Variants in DARS1 observed in about 807,000 individuals in gnomAD.
DARS1 encodes the protein aspartyl-tRNA synthetase 1.
Under a neutral mutation model 68.8 loss-of-function variants are expected in DARS1, and 51 were observed. That is an observed-to-expected ratio of 0.74 (90% CI 0.59 to 0.94). The LOEUF (loss-of-function observed/expected upper bound fraction) is 0.94, where lower values mean the gene tolerates loss of function less well. Among genes scored for constraint, DARS1 ranks in the 40% least tolerant of loss-of-function variants. The probability of loss-of-function intolerance (pLI) is 0.00; values close to 1 mark genes in which losing one functional copy is unlikely to be tolerated. For synonymous variants in DARS1, 203 were observed against 190.4 expected, an observed-to-expected ratio of 1.07 and a Z score of -0.55; for missense variants, 607 against 597.3, an observed-to-expected ratio of 1.02 and a Z score of -0.17.
intron 5 of DARS1, among the ~76,000 whole-genome samples, chr2:135,941,967 C>G (rs971308345): frequency 1.4e-4 from 21 of 152,284 alleles, no homozygotes; most frequent in African/African-American, 5.1e-4. Flanking sequence ...CCATCTCACA[C>G]CAGTTAGAAT....
intron 4 of DARS1, among the ~76,000 whole-genome samples, chr2:135,945,609 G>A (rs1235065142): frequency 6.6e-6 from 1 of 152,102 alleles, no homozygotes; most frequent in Non-Finnish European, 1.5e-5. Flanking sequence ...CCTGAAACAT[G>A]GAACTATATC....
chr2:135,951,120 T>C (rs1681830311), intron 4 of DARS1, among the ~76,000 whole-genome samples: 1 of 152,202 alleles, frequency 6.6e-6, no homozygotes, highest in East Asian at 1.9e-4. Flanking sequence ...AACAACCTGT[T>C]GGGCTTTTTC....
At chr2:135,929,430 A>C (rs1383773817) in intron 7 of DARS1, among the ~76,000 whole-genome samples, 1 of 152,230 alleles carries the variant, frequency 6.6e-6, no homozygotes, top group Admixed American at 6.5e-5. Context: ...CCTTTAAATC[A>C]CATTTTAAAA....
At chr2:135,950,708 C>T (rs1558791239) in intron 4 of DARS1, among the ~76,000 whole-genome samples, 1 of 152,086 alleles carries the variant, frequency 6.6e-6, no homozygotes, top group Non-Finnish European at 1.5e-5. Context: ...AGTGAAACAA[C>T]GAAAACACAG....
chr2:135,922,601 C>A (rs528016886), intron 9 of DARS1, among the ~76,000 whole-genome samples, 183 bp downstream of exon 9: 46 of 152,252 alleles, frequency 3.0e-4, no homozygotes, highest in Admixed American at 1.7e-3. Context: ...ATTACTATTA[C>A]TTTTAAGAAA....
At chr2:135,977,886 T>C (rs560671015) in intron 3 of DARS1, among the ~76,000 whole-genome samples, 1 of 152,230 alleles carries the variant, frequency 6.6e-6, no homozygotes, top group African/African-American at 2.4e-5. Flanking sequence ...CTTATGCCTG[T>C]AATCCCAGCA....
chr2:135,968,596 C>T (rs191165604), intron 3 of DARS1, among the ~76,000 whole-genome samples: 28 of 151,760 alleles, frequency 1.8e-4, no homozygotes, highest in East Asian at 1.9e-4. Context: ...GGGGTAGAGC[C>T]CTCATGACCC....
intron 4 of DARS1, 78 bp downstream of exon 4, chr2:135,961,318 T>A (rs896368084): frequency 1.3e-6 from 1 of 782,196 alleles, no homozygotes; most frequent in South Asian, 1.4e-5. Flanking sequence ...TGTTAATGTA[T>A]GAAAATGGTC....
At chr2:135,923,215 T>C (rs1681141897) in intron 8 of DARS1, among the ~76,000 whole-genome samples, 1 of 152,212 alleles carries the variant, frequency 6.6e-6, no homozygotes, top group Admixed American at 6.5e-5. Context: ...TAAAATTTTT[T>C]TTTTAAAATG....
intron 3 of DARS1, among the ~76,000 whole-genome samples, chr2:135,970,848 A>T (rs1682353851): frequency 2.6e-5 from 4 of 152,194 alleles, no homozygotes; most frequent in Admixed American, 2.6e-4. Flanking sequence ...TGGAAAATCT[A>T]GAAGAAATGG....
chr2:135,945,254 A>C (rs1238497326), intron 4 of DARS1, among the ~76,000 whole-genome samples: 1 of 151,834 alleles, frequency 6.6e-6, no homozygotes, highest in Non-Finnish European at 1.5e-5. Context: ...CAGCCTCCTG[A>C]GTAGCTGGGA....
chr2:135,939,434 G>A (rs183163168), intron 5 of DARS1, among the ~76,000 whole-genome samples: 10 of 152,194 alleles, frequency 6.6e-5, no homozygotes, highest in South Asian at 2.1e-4. Context: ...AAATGAAGGC[G>A]GAAATAAAGA....
At chr2:135,910,530 T>A (rs1289253828) in intron 15 of DARS1, among the ~76,000 whole-genome samples, 1 of 152,172 alleles carries the variant, frequency 6.6e-6, no homozygotes, top group Non-Finnish European at 1.5e-5. Flanking sequence ...AGGGTCTAAT[T>A]TCAATCTTCT....
chr2:135,984,141 C>G (rs1558804324), intron 1 of DARS1, among the ~76,000 whole-genome samples: 1 of 152,160 alleles, frequency 6.6e-6, no homozygotes, highest in Non-Finnish European at 1.5e-5. Context: ...ACAAAATATA[C>G]TTATTAAATA....
At chr2:135,907,572 T>C (rs550214818) in intron 15 of DARS1, among the ~76,000 whole-genome samples, 165 bp from the exon 16 acceptor site, 71 of 152,290 alleles carry the variant, frequency 4.7e-4, no homozygotes, top group South Asian at 4.3e-3. Context: ...TGAGTATTGA[T>C]TCAGAAATAA....
At chr2:135,926,968 C>T (rs1266444239) in intron 7 of DARS1, among the ~76,000 whole-genome samples, 2 of 152,154 alleles carry the variant, frequency 1.3e-5, no homozygotes, top group Non-Finnish European at 1.5e-5. Context: ...CTTCAAAAAG[C>T]ATTATCATTA....
At chr2:135,961,046 AC>A (rs1448357760) in intron 4 of DARS1, among the ~76,000 whole-genome samples, 2 of 152,062 alleles carry the variant, frequency 1.3e-5, no homozygotes, top group Non-Finnish European at 2.9e-5. Context: ...CAAATCTCAA[AC>A]TGGGGGAGGG....
intron 2 of DARS1, among the ~76,000 whole-genome samples, chr2:135,981,133 T>C (rs889890995): frequency 3.9e-5 from 6 of 152,222 alleles, no homozygotes; most frequent in Non-Finnish European, 8.8e-5. Context: ...GAATTTTACA[T>C]ACATAGGTTA....
chr2:135,935,322 C>T (rs10171602), intron 5 of DARS1, among the ~76,000 whole-genome samples: 5 of 151,972 alleles, frequency 3.3e-5, no homozygotes, highest in South Asian at 4.2e-4. Flanking sequence ...ATAGGCCAGG[C>T]GCGGTGGCTC....
Sources: allele counts gnomAD v4.1 joint callset (sites outside exome capture counted in the v4.1 genomes callset), GRCh38; gene constraint gnomAD v4.1.1; transcripts MANE v1.5; gene names NCBI Gene and HGNC (gene_info 2026-07-23, HGNC 2026-07-21).